The following ANO10 variants were observed in gnomAD, a reference collection of about 807,000 sequenced individuals.
The protein encoded by ANO10 is anoctamin-10.
Under a neutral mutation model 74.7 loss-of-function variants are expected in ANO10, and 77 were observed. The observed-to-expected ratio is 1.03, with a 90% CI of 0.86 to 1.25. The LOEUF is 1.25. ANO10 is among the 50% of genes most tolerant of loss of function. The probability of loss-of-function intolerance (pLI) is 0.00; values close to 1 mark genes in which losing one functional copy is unlikely to be tolerated. For missense variants in ANO10, 721 were observed against 778.1 expected (o/e 0.93, Z 0.87); for synonymous variants, 279 against 284.9 (o/e 0.98, Z 0.21).
At chr3:43,448,052 G>C (rs1447007362) in intron 11 of ANO10, among the ~76,000 whole-genome samples, 3 of 152,204 alleles carry the variant, frequency 2.0e-5, no homozygotes, top group Non-Finnish European at 4.4e-5. Context: ...ACAATGATGG[G>C]ATAGTGCCCA....
At chr3:43,648,060 G>T (rs1264066159) in intron 1 of ANO10, among the ~76,000 whole-genome samples, 2 of 152,128 alleles carry the variant, frequency 1.3e-5, no homozygotes, top group African/African-American at 4.8e-5. Flanking sequence ...TTACAGCCAG[G>T]CTGAAGCCCA....
At chr3:43,540,917 CATTTG>C (rs1179866177) in intron 11 of ANO10, among the ~76,000 whole-genome samples, 1 of 152,138 alleles carries the variant, frequency 6.6e-6, no homozygotes, top group African/African-American at 2.4e-5. Context: ...TCAATGTAAG[CATTTG>C]ATTTGACTAA....
At chr3:43,588,824 T>C (rs1215278911) in intron 4 of ANO10, among the ~76,000 whole-genome samples, 1 of 152,198 alleles carries the variant, frequency 6.6e-6, no homozygotes, top group Non-Finnish European at 1.5e-5. Flanking sequence ...TCCAAGATCT[T>C]TATGCAGCCA....
At chr3:43,390,594 G>A (rs1450471577) in intron 12 of ANO10, among the ~76,000 whole-genome samples, 2 of 152,218 alleles carry the variant, frequency 1.3e-5, no homozygotes, top group Non-Finnish European at 2.9e-5. Context: ...CATGAGCAGA[G>A]GACCCAGTGT....
chr3:43,451,189 T>C (rs1362004097), intron 11 of ANO10, among the ~76,000 whole-genome samples: 1 of 152,196 alleles, frequency 6.6e-6, no homozygotes, highest in Non-Finnish European at 1.5e-5. Context: ...TGCTGGGACA[T>C]GCTGCCGAGA....
chr3:43,401,678 G>A (rs1010043444), intron 12 of ANO10, among the ~76,000 whole-genome samples: 1 of 152,262 alleles, frequency 6.6e-6, no homozygotes, highest in South Asian at 2.1e-4. Context: ...TGCTTCTTTT[G>A]TTATAATTAT....
At chr3:43,438,394 T>C (rs1441882551) in intron 11 of ANO10, among the ~76,000 whole-genome samples, 1 of 151,498 alleles carries the variant, frequency 6.6e-6, no homozygotes, top group Non-Finnish European at 1.5e-5. Context: ...GAGTGAGCTA[T>C]TATCACACCA....
rs60554785 is a variant in ANO10, at chr3:43,414,967, C to CTTTT, written c.1914+17640_1914+17643dup. On this transcript the variant is annotated intron_variant, in intron 12 of 12. Transcript: ENST00000292246. ...CTGTATGGTTGTTCCTGTCATTGTG[C>CTTTT]TTTTTTTTTTTTTTTTTTTTTTTTT... Among the ~76,000 whole-genome samples the CTTTT allele has an allele frequency of 9.8e-3, 652 of 66,568 alleles. 22 individuals are homozygous for CTTTT. Among genetic ancestry groups the CTTTT allele is most frequent in the Non-Finnish European group, 0.013 (468 of 37,328 alleles). The allele number at this position is 66,568 out of a possible 152,430, so 43.7% of individuals were successfully genotyped here.
intron 11 of ANO10, among the ~76,000 whole-genome samples, chr3:43,493,510 T>C (rs1358462606): frequency 6.6e-6 from 1 of 152,160 alleles, no homozygotes; most frequent in Admixed American, 6.5e-5. Context: ...ATTGAAAGTA[T>C]TTAAAATAAT....
chr3:43,453,469 G>A (rs535976147), intron 11 of ANO10, among the ~76,000 whole-genome samples: 20 of 152,226 alleles, frequency 1.3e-4, no homozygotes, highest in South Asian at 1.0e-3. Context: ...ATGAGCCACC[G>A]CACCTGGCCT....
chr3:43,574,299 C>T (rs1364709393), intron 7 of ANO10, among the ~76,000 whole-genome samples: 2 of 147,624 alleles, frequency 1.4e-5, no homozygotes, highest in Non-Finnish European at 3.0e-5. Context: ...GAGACAGAGT[C>T]TCGCTCTGTC....
intron 11 of ANO10, among the ~76,000 whole-genome samples, chr3:43,445,924 T>C (rs571417209): frequency 6.6e-6 from 1 of 152,236 alleles, no homozygotes; most frequent in Non-Finnish European, 1.5e-5. Flanking sequence ...GGTCTTGAAC[T>C]CCTGAGCTCA....
At chr3:43,493,074 T>G (rs1169174710) in intron 11 of ANO10, among the ~76,000 whole-genome samples, 2 of 152,170 alleles carry the variant, frequency 1.3e-5, no homozygotes, top group African/African-American at 2.4e-5. Flanking sequence ...GAAGAAAATG[T>G]GGCACATATA....
chr3:43,505,630 G>A (rs2077266474), intron 11 of ANO10, among the ~76,000 whole-genome samples: 1 of 152,194 alleles, frequency 6.6e-6, no homozygotes, highest in Admixed American at 6.5e-5. Flanking sequence ...TCAGATCACA[G>A]AACCAAAACA....
intron 11 of ANO10, among the ~76,000 whole-genome samples, chr3:43,521,630 G>A (rs2149216661): frequency 6.6e-6 from 1 of 152,272 alleles, no homozygotes; most frequent in South Asian, 2.1e-4. Flanking sequence ...CTATAATTTA[G>A]AAAATGGAAA....
rs186209128 is a variant in ANO10, at chr3:43,578,155, T to C, written c.593-894A>G. Among the ~76,000 whole-genome samples, 70 of 152,320 alleles carry C rather than the reference T, an allele frequency of 4.6e-4. 2 individuals carry two copies. The highest frequency in any genetic ancestry group is 1.5e-3 in the South Asian group (7 of 4,824). On this transcript the variant is annotated intron_variant, in intron 5 of 12. Transcript: ENST00000292246. The stretch of plus-strand genomic sequence containing the variant: ...AAAAATGAGTTAGAATGAACTGAGA[T>C]AGGCTATTTTCTCCTATCCTTAATT...
chr3:43,599,848 G>C (rs1231670463), intron 3 of ANO10, among the ~76,000 whole-genome samples: 1 of 151,846 alleles, frequency 6.6e-6, no homozygotes, highest in Non-Finnish European at 1.5e-5. Flanking sequence ...GGAGCTTGCA[G>C]TGAGCCGAGA....
At chr3:43,620,944 T>TAG (rs2083364853) in intron 1 of ANO10, among the ~76,000 whole-genome samples, 1 of 152,222 alleles carries the variant, frequency 6.6e-6, no homozygotes, top group African/African-American at 2.4e-5. Context: ...ATAGCGAATT[T>TAG]TAAACTGTTT....
At chr3:43,620,350 C>G (rs905476023) in intron 1 of ANO10, among the ~76,000 whole-genome samples, 1 of 152,074 alleles carries the variant, frequency 6.6e-6, no homozygotes, top group Non-Finnish European at 1.5e-5. Flanking sequence ...CAATACTACC[C>G]TAATTTTGTG....
Sources: allele counts gnomAD v4.1 joint callset (sites outside exome capture counted in the v4.1 genomes callset), GRCh38; gene constraint gnomAD v4.1.1; transcripts MANE v1.5; gene names NCBI Gene and HGNC (gene_info 2026-07-23, HGNC 2026-07-21).